Variants in HSPBAP1 observed in about 807,000 individuals in gnomAD.
HSPBAP1 encodes HSPB1-associated protein 1.
In HSPBAP1, 27 loss-of-function variants were observed where a neutral mutation model predicts 45.2. The ratio of observed to expected loss-of-function variants is 0.60; its 90% CI spans 0.44 to 0.82. HSPBAP1 has a LOEUF of 0.82. Ranked by LOEUF, HSPBAP1 falls within the 40% of genes least tolerant of loss-of-function variation. The pLI, the probability that HSPBAP1 is intolerant of heterozygous loss-of-function variation, is 0.00. For missense variants in HSPBAP1, 510 were observed against 590.9 expected, an observed-to-expected ratio of 0.86 and a Z score of 1.42; for synonymous variants, 204 against 202.7, an observed-to-expected ratio of 1.01 and a Z score of -0.06.
At chr3:122,777,255 G>A (rs1325310817) in intron 2 of HSPBAP1, among the ~76,000 whole-genome samples, 2 of 152,120 alleles carry the variant, frequency 1.3e-5, no homozygotes, top group Non-Finnish European at 2.9e-5. Flanking sequence ...AAAGCAGAGG[G>A]ATAAAATTAC....
At position 122,780,936 on chromosome 3, in the gene HSPBAP1, G is replaced by C. The variant is rs11923459; in HGVS notation, c.65-3030C>G. ...CAGACGGGGCGGCGGGGCAGAGGCG[G>C]TCCCCACATCTCAGACGATGGGCGG... On this transcript the variant is annotated intron_variant, in intron 1 of 7. Transcript: ENST00000306103. Among the ~76,000 whole-genome samples, 14 of 37,836 alleles carry C rather than the reference G, an allele frequency of 3.7e-4. 1 individual carries two copies. The highest frequency in any genetic ancestry group is 1.1e-3 in the East Asian group (2 of 1,860). 24.8% of individuals were successfully genotyped at this position (37,836 alleles called of 152,430 possible).
chr3:122,776,507 A>C (rs1290137819), intron 2 of HSPBAP1, among the ~76,000 whole-genome samples: 1 of 152,240 alleles, frequency 6.6e-6, no homozygotes, highest in Non-Finnish European at 1.5e-5. Context: ...GCCTGAAACA[A>C]TAGCTTTAAA....
chr3:122,755,095 C>T, intron 5 of HSPBAP1, 165 bp downstream of exon 5: 2 of 1,230,476 alleles, frequency 1.6e-6, no homozygotes, highest in Non-Finnish European at 2.0e-6. Flanking sequence ...GTGTATGTGT[C>T]TGAAGCCTAC....
At chr3:122,759,185 CCA>C (rs10657578) in intron 4 of HSPBAP1, 37 bp downstream of exon 4, 68,492 of 1,446,394 alleles carry the variant, frequency 0.047, 242 homozygotes, top group East Asian at 0.097. Flanking sequence ...CATGTGCGTT[CCA>C]CACACACACA....
At chr3:122,753,641 G>C in intron 5 of HSPBAP1, 1 of 985,122 alleles carries the variant, frequency 1.0e-6, no homozygotes, top group East Asian at 1.1e-4. Context: ...ATGATGTGAA[G>C]CTTTTGGGCT....
At chr3:122,769,682 T>A (rs1934917277) in intron 2 of HSPBAP1, among the ~76,000 whole-genome samples, 1 of 152,210 alleles carries the variant, frequency 6.6e-6, no homozygotes, top group Non-Finnish European at 1.5e-5. Context: ...TATTTTTTTA[T>A]TTTTTGTTTT....
chr3:122,759,157 C>T lies in HSPBAP1; in HGVS notation c.569+67G>A, dbSNP rs993894258. On this transcript the variant is annotated intron_variant, in intron 4 of 7. Coordinates refer to ENST00000306103, the MANE Select transcript of HSPBAP1 (RefSeq NM_024610.6). ...GGTATTGCCCTATTCTCTCTGCCACCCCTATTGCATGCATGCACATGTGCG... is the reference window on the plus strand; with the variant it reads ...GGTATTGCCCTATTCTCTCTGCCACTCCTATTGCATGCATGCACATGTGCG... 6.9e-5 allele frequency: 105 copies of T among 1,527,304 alleles called. No homozygotes were observed. The South Asian group carries it at 1.2e-3, about 18-fold the overall frequency. The allele number at this position is 1,527,304 out of a possible 1,614,324, so 94.6% of individuals were successfully genotyped here.
Position 122,759,358 on chromosome 3 carries a change from A to G in HSPBAP1, c.435T>C (p.Asp145=). The part of the protein sequence containing the change: ...LFEDKTDLFQ[D]VKWSDFGFPG... ...GAAACCCGAAGTCAGACCATTTCAC[A>G]TCCTGTTTTGAAATAAAGTTGCAAT... The change falls in exon 4 of 8, where the codon GAT becomes GAC. Residue 145 remains aspartate, a splice_region_variant and synonymous_variant. Transcript: ENST00000306103. 6.2e-7 allele frequency: 1 copy of G among 1,612,298 alleles called. No homozygotes were observed. Among genetic ancestry groups the G allele is most frequent in the Non-Finnish European group, 8.5e-7 (1 of 1,178,626 alleles).
Position 122,755,451 on chromosome 3 carries a change from A to G in HSPBAP1, c.570-20T>C, listed in dbSNP as rs750943466. On this transcript the variant is annotated intron_variant, in intron 4 of 7. Coordinates refer to ENST00000306103, the MANE Select transcript of HSPBAP1 (RefSeq NM_024610.6). ...CGTTTCCTAATTAAAAAAAAAAAAAAAAGATACAAGTTAGTACTCTGACCT... is the reference window on the plus strand; with the variant it reads ...CGTTTCCTAATTAAAAAAAAAAAAAGAAGATACAAGTTAGTACTCTGACCT... The G allele has an allele frequency of 7.6e-6, 11 of 1,444,972 alleles. No homozygotes were observed. The Admixed American group carries it at 2.0e-4, about 26-fold the overall frequency. 89.5% of individuals were successfully genotyped at this position (1,444,972 alleles called of 1,614,324 possible). A position where few individuals can be genotyped will look rare whatever the true frequency, so the allele number is the denominator to read the frequency against.
chr3:122,783,544 A>G (rs1030536449), intron 1 of HSPBAP1, among the ~76,000 whole-genome samples: 5 of 152,234 alleles, frequency 3.3e-5, no homozygotes, highest in Admixed American at 6.5e-5. Flanking sequence ...GCATACAAAC[A>G]TGATTCAGTA....
chr3:122,773,413 G>A (rs72966394), intron 2 of HSPBAP1, among the ~76,000 whole-genome samples: 6,270 of 148,966 alleles, frequency 0.042, 437 homozygotes, highest in African/African-American at 0.14. Context: ...GGGTTCAAGC[G>A]AGTCTCACGC....
intron 1 of HSPBAP1, chr3:122,786,297 C>T (rs913153802): frequency 6.6e-6 from 1 of 152,126 alleles, no homozygotes; most frequent in South Asian, 2.1e-4. Context: ...TCTTTCAGTT[C>T]CAAGCTTGTA....
rs1417487918 is a variant in HSPBAP1 at position 122,759,205 on chromosome 3, A to ACACG, written c.569+18_569+19insCGTG. ...GCGTTCCACACACACACACACACAC[A>ACACG]CACACACACACACATTACCTTCCTT... On this transcript the variant is annotated intron_variant, in intron 4 of 7. Coordinates refer to ENST00000306103, the MANE Select transcript of HSPBAP1 (RefSeq NM_024610.6). 1 of 1,603,910 alleles carries ACACG rather than the reference A, an allele frequency of 6.2e-7. No individual in the cohort carries two copies. The highest frequency in any genetic ancestry group is 2.3e-5 in the East Asian group (1 of 44,292).
intron 6 of HSPBAP1, among the ~76,000 whole-genome samples, chr3:122,746,044 G>A (rs1035804708): frequency 6.6e-6 from 1 of 152,122 alleles, no homozygotes; most frequent in African/African-American, 2.4e-5. Flanking sequence ...GGTAATACTC[G>A]GGGTTTCAGT....
chr3:122,781,845 C>T (rs868624710), intron 1 of HSPBAP1, among the ~76,000 whole-genome samples: 45 of 152,104 alleles, frequency 3.0e-4, no homozygotes, highest in Non-Finnish European at 2.8e-4. Flanking sequence ...TATATACACA[C>T]CATATTTTCT....
intron 1 of HSPBAP1, among the ~76,000 whole-genome samples, chr3:122,780,948 C>G (rs1277037074): frequency 8.2e-6 from 1 of 121,230 alleles, no homozygotes; most frequent in African/African-American, 2.8e-5. Context: ...CCCCACATCT[C>G]AGACGATGGG....
At chr3:122,789,864 C>CTTTT (rs368711372) in intron 1 of HSPBAP1, among the ~76,000 whole-genome samples, 3,197 of 137,054 alleles carry the variant, frequency 0.023, 153 homozygotes, top group African/African-American at 0.082. Flanking sequence ...GCCAAAGCTT[C>CTTTT]TTTTTTTTTT....
chr3:122,747,630 T>TG (rs1224714176), intron 6 of HSPBAP1, among the ~76,000 whole-genome samples: 22 of 113,774 alleles, frequency 1.9e-4, no homozygotes, highest in South Asian at 1.8e-3. Context: ...GGGAGGGAGG[T>TG]GGGGGGGTCA....
Position 122,758,896 on chromosome 3 carries a change from C to CAAAA in HSPBAP1, c.569+324_569+327dup, listed in dbSNP as rs11369405. On this transcript the variant is annotated intron_variant, in intron 4 of 7. Coordinates refer to ENST00000306103, the MANE Select transcript of HSPBAP1 (RefSeq NM_024610.6). ...ACTGTCTCAAATGTCTCTAATTTACCAAAAAAAAAAAAAAAAAAAAGACCA... is the reference window on the plus strand; with the variant it reads ...ACTGTCTCAAATGTCTCTAATTTACCAAAAAAAAAAAAAAAAAAAAAAAAGACCA... 7.4e-4 allele frequency: 149 copies of CAAAA among 200,186 alleles called. 1 individual carries two copies. Among genetic ancestry groups the CAAAA allele is most frequent in the South Asian group, 1.2e-3 (33 of 26,500 alleles). 12.4% of individuals were successfully genotyped at this position (200,186 alleles called of 1,614,324 possible). A position where few individuals can be genotyped will look rare whatever the true frequency, so the allele number is the denominator to read the frequency against.
Sources: gnomAD v4.1 joint callset for allele counts (sites outside exome capture counted in the v4.1 genomes callset) on GRCh38, gnomAD v4.1.1 for gene constraint, MANE v1.5 for transcripts, NCBI Gene and HGNC (gene_info 2026-07-23, HGNC 2026-07-21) for gene names.